The following POLR3B variants were observed in gnomAD, a reference collection of about 807,000 sequenced individuals.
The protein encoded by POLR3B is DNA-directed RNA polymerase III subunit RPC2.
In POLR3B, 96 loss-of-function variants were observed where a neutral mutation model predicts 147.4. The observed-to-expected ratio is 0.65, with a 90% CI of 0.55 to 0.77. The LOEUF is 0.77. Among genes scored for constraint, POLR3B ranks in the 30% least tolerant of loss-of-function variants. The pLI is 0.00. For synonymous variants in POLR3B, 461 were observed against 485.9 expected, an observed-to-expected ratio of 0.95 and a Z score of 0.67; for missense variants, 1,036 against 1,413.5, an observed-to-expected ratio of 0.73 and a Z score of 4.28.
intron 23 of POLR3B, among the ~76,000 whole-genome samples, chr12:106,495,602 A>G (rs1049887935): frequency 3.3e-5 from 5 of 152,118 alleles, no homozygotes; most frequent in Admixed American, 6.5e-5. Context: ...TTGTAAGCAC[A>G]CTCCTCATCC....
intron 14 of POLR3B, among the ~76,000 whole-genome samples, chr12:106,431,242 G>A (rs1159685986): frequency 6.6e-6 from 1 of 152,142 alleles, no homozygotes; most frequent in Non-Finnish European, 1.5e-5. Flanking sequence ...GTATAGAGCT[G>A]CGATTTTTAG....
chr12:106,399,233 GA>G (rs1197722933), intron 10 of POLR3B, among the ~76,000 whole-genome samples: 14 of 152,176 alleles, frequency 9.2e-5, no homozygotes, highest in Non-Finnish European at 2.9e-5. Flanking sequence ...ATCAGTGATG[GA>G]AGACGAAATG....
chr12:106,435,360 G>A (rs1346230426), intron 16 of POLR3B, among the ~76,000 whole-genome samples: 1 of 151,752 alleles, frequency 6.6e-6, no homozygotes, highest in Non-Finnish European at 1.5e-5. Context: ...GGCCAGGCTG[G>A]TCTCGAACTC....
intron 9 of POLR3B, among the ~76,000 whole-genome samples, chr12:106,385,167 T>C (rs978907294): frequency 6.6e-6 from 1 of 152,164 alleles, no homozygotes; most frequent in African/African-American, 2.4e-5. Flanking sequence ...CGTTCTGTAT[T>C]GATTAGTTGA....
intron 12 of POLR3B, among the ~76,000 whole-genome samples, chr12:106,419,011 C>T (rs1363076811): frequency 1.3e-5 from 2 of 152,178 alleles, no homozygotes; most frequent in Non-Finnish European, 2.9e-5. Context: ...ACAAAAGTGT[C>T]TAAGTGTAAG....
chr12:106,500,290 C>G, intron 25 of POLR3B: 1 of 395,974 alleles, frequency 2.5e-6, no homozygotes. Flanking sequence ...TGTCAAAGTA[C>G]TTATATATTC....
At chr12:106,378,739 T>C (rs1565877963) in intron 8 of POLR3B, among the ~76,000 whole-genome samples, 2 of 152,216 alleles carry the variant, frequency 1.3e-5, no homozygotes, top group Non-Finnish European at 2.9e-5. Flanking sequence ...CATTTACATG[T>C]GTATTCCTGC....
At chr12:106,489,815 G>A (rs1004310685) in intron 23 of POLR3B, among the ~76,000 whole-genome samples, 2 of 152,186 alleles carry the variant, frequency 1.3e-5, no homozygotes, top group Non-Finnish European at 2.9e-5. Flanking sequence ...CTCTCTGCAA[G>A]TCCACAGCTT....
chr12:106,501,585 G>T, intron 26 of POLR3B, 149 bp downstream of exon 26: 1 of 605,262 alleles, frequency 1.7e-6, no homozygotes, highest in South Asian at 2.0e-5. Flanking sequence ...AATCATATAT[G>T]TATGATTAAA....
chr12:106,455,588 A>G (rs182664720), intron 20 of POLR3B, among the ~76,000 whole-genome samples: 4 of 152,348 alleles, frequency 2.6e-5, no homozygotes, highest in South Asian at 2.1e-4. Context: ...TGAGTTTACT[A>G]TCCCCTAGCT....
In POLR3B at chr12:106,386,771, G is replaced by A. The variant is rs555454712; in HGVS notation, c.724-6260G>A. On this transcript the variant is annotated intron_variant, in intron 9 of 27. Coordinates refer to ENST00000228347, the MANE Select transcript of POLR3B (RefSeq NM_018082.6). ...AAATACAAAAAATTAGCTGGGCATG[G>A]TGGCAGGTGCCTGTAGTCCCAGCTA... is the stretch of plus-strand genomic sequence containing the variant. Among the ~76,000 whole-genome samples the A allele has an allele frequency of 5.9e-5, 9 of 152,160 alleles. No individual in the cohort carries two copies. In the East Asian group the frequency reaches 1.5e-3, roughly 26 times the overall value.
At chr12:106,462,714 T>C (rs1366602336) in intron 22 of POLR3B, among the ~76,000 whole-genome samples, 1 of 152,190 alleles carries the variant, frequency 6.6e-6, no homozygotes, top group Non-Finnish European at 1.5e-5. Flanking sequence ...TTCTAGGAAA[T>C]CACCTCTTAT....
chr12:106,423,313 A>G (rs1407598880), intron 12 of POLR3B, among the ~76,000 whole-genome samples: 1 of 152,220 alleles, frequency 6.6e-6, no homozygotes, highest in Non-Finnish European at 1.5e-5. Context: ...ATGTGTCCCT[A>G]AAAGACATGA....
At chr12:106,368,550 C>T (rs1247135124) in intron 4 of POLR3B, among the ~76,000 whole-genome samples, 4 of 152,014 alleles carry the variant, frequency 2.6e-5, no homozygotes, top group East Asian at 1.9e-4. Flanking sequence ...AAAAATTTTT[C>T]AATCCTAGAC....
chr12:106,486,912 A>G (rs1011532242), intron 23 of POLR3B, among the ~76,000 whole-genome samples: 1 of 152,166 alleles, frequency 6.6e-6, no homozygotes, highest in African/African-American at 2.4e-5. Flanking sequence ...AGTTCTCCCA[A>G]TTTATTTGGC....
intron 12 of POLR3B, among the ~76,000 whole-genome samples, chr12:106,422,113 A>G (rs1219155984): frequency 6.6e-6 from 1 of 152,150 alleles, no homozygotes; most frequent in Non-Finnish European, 1.5e-5. Flanking sequence ...CCCCACCCAA[A>G]TCTCATGTTG....
chr12:106,508,808 A>G (rs770612946), intron 27 of POLR3B, among the ~76,000 whole-genome samples: 4 of 152,250 alleles, frequency 2.6e-5, no homozygotes, highest in Non-Finnish European at 5.9e-5. Context: ...TGTTGTAAGT[A>G]TAGTACCTCC....
chr12:106,464,133 TC>T (rs1167057559), intron 23 of POLR3B, among the ~76,000 whole-genome samples: 1 of 152,124 alleles, frequency 6.6e-6, no homozygotes, highest in East Asian at 1.9e-4. Context: ...AGAACCTGGG[TC>T]TCCTGACCCC....
At chr12:106,438,008 C>G (rs937544066) in intron 18 of POLR3B, among the ~76,000 whole-genome samples, 1 of 152,160 alleles carries the variant, frequency 6.6e-6, no homozygotes, top group African/African-American at 2.4e-5. Flanking sequence ...TTAAGCCCAG[C>G]ATGCATTAGC....
Sources: allele counts gnomAD v4.1 joint callset (sites outside exome capture counted in the v4.1 genomes callset), GRCh38; gene constraint gnomAD v4.1.1; transcripts MANE v1.5; gene names NCBI Gene and HGNC (gene_info 2026-07-23, HGNC 2026-07-21).